PCDHGA8: variants seen among roughly 807,000 people sequenced by gnomAD.
PCDHGA8 encodes protocadherin gamma-A8.
Under a neutral mutation model 59.2 loss-of-function variants are expected in PCDHGA8, and 45 were observed. The observed-to-expected ratio is 0.76, with a 90% confidence interval of 0.60 to 0.98. The LOEUF (loss-of-function observed/expected upper bound fraction) is 0.98, where lower values mean the gene tolerates loss of function less well. Ranked by LOEUF, PCDHGA8 falls within the 50% of genes least tolerant of loss-of-function variation. The pLI is 0.00. For missense variants in PCDHGA8, 1,257 were observed against 1,196.2 expected, an observed-to-expected ratio of 1.05 and a Z score of -0.75; for synonymous variants, 531 against 519.0, an observed-to-expected ratio of 1.02 and a Z score of -0.32.
chr5:141,431,830 C>G lies in PCDHGA8; in HGVS notation c.2424+36593C>G, dbSNP rs1354008481. 1 of 1,614,078 alleles carries G rather than the reference C, an allele frequency of 6.2e-7. No homozygotes were observed. The highest frequency in any genetic ancestry group is 8.5e-7 in the Non-Finnish European group (1 of 1,180,034). The stretch of plus-strand genomic sequence containing the variant: ...TCACCTCTCTCGCCAGCTCGGTTCC[C>G]GAAAACTCTCCCAGAGGGACATTAA... On this transcript the variant is annotated intron_variant, in intron 1 of 3. Coordinates refer to ENST00000398604, the MANE Select transcript of PCDHGA8 (RefSeq NM_032088.2). This position sits in a 1 kb window ranked among gnomAD's most constrained non-coding sequence, Gnocchi z 4.8.
At chr5:141,400,186 TACCTAG>T (rs1474148355) in intron 1 of PCDHGA8, 1 of 1,614,068 alleles carries the variant, frequency 6.2e-7, no homozygotes, top group Non-Finnish European at 8.5e-7. Flanking sequence ...GCTGCAGTTT[TACCTAG>T]TGGTGGCCTT....
rs749995138 is a variant in PCDHGA8 at position 141,408,745 on chromosome 5, G to A, written c.2424+13508G>A. The A allele has an allele frequency of 3.7e-6, 6 of 1,609,862 alleles. No homozygotes were observed. In the African/African-American group the frequency reaches 4.0e-5, roughly 11 times the overall value. ...ACTCTAATCCTTATTTTTCATTAAT[G>A]GTTAGAGTTAATTCCGATGGTGGCA... On this transcript the variant is annotated intron_variant, in intron 1 of 3. Transcript: ENST00000398604.
intron 1 of PCDHGA8, chr5:141,410,354 T>C (rs2095384532): frequency 3.7e-6 from 6 of 1,614,048 alleles, no homozygotes; most frequent in Non-Finnish European, 5.1e-6. Context: ...CCTGCGACGC[T>C]CTCTCAGCCC....
At chr5:141,496,021 G>A (rs1011612662) in intron 2 of PCDHGA8, among the ~76,000 whole-genome samples, 1 of 151,336 alleles carries the variant, frequency 6.6e-6, no homozygotes, top group Admixed American at 6.6e-5. Context: ...TTTTCTCTGA[G>A]CCTCTGTCTC....
At chr5:141,409,529 G>T (rs2095278932) in intron 1 of PCDHGA8, 1 of 1,613,962 alleles carries the variant, frequency 6.2e-7, no homozygotes, top group Non-Finnish European at 8.5e-7. Flanking sequence ...CTTGTATGTC[G>T]CTGACATCAA....
chr5:141,395,343 G>T (rs903122712), intron 1 of PCDHGA8, 106 bp downstream of exon 1: 1 of 1,396,676 alleles, frequency 7.2e-7, no homozygotes, highest in Non-Finnish European at 9.5e-7. Flanking sequence ...TTTTTAAGGT[G>T]TATCACAGAG....
chr5:141,415,136 G>C (rs763832284), intron 1 of PCDHGA8: 1 of 1,613,548 alleles, frequency 6.2e-7, no homozygotes, highest in Admixed American at 1.7e-5. Flanking sequence ...CAGGACCACG[G>C]CCAGCCCCCT....
At chr5:141,430,217 T>C (rs1055487905) in intron 1 of PCDHGA8, among the ~76,000 whole-genome samples, 1 of 150,102 alleles carries the variant, frequency 6.7e-6, no homozygotes, top group Non-Finnish European at 1.5e-5. Context: ...TATTATATTA[T>C]ATGATTTGTC....
chr5:141,396,525 C>T (rs2093390810), intron 1 of PCDHGA8: 1 of 151,326 alleles, frequency 6.6e-6, no homozygotes, highest in Non-Finnish European at 1.5e-5. Context: ...GAGGCTGAGG[C>T]AGAAGAATCA....
At chr5:141,441,004 C>G (rs1258800474) in intron 1 of PCDHGA8, 1 of 152,066 alleles carries the variant, frequency 6.6e-6, no homozygotes, top group African/African-American at 2.4e-5. Flanking sequence ...TCTAGTTTGG[C>G]CTTGATCAAA....
rs759647406 is a variant in PCDHGA8 at position 141,493,849 on chromosome 5, A to G, written c.2425-958A>G. Among the ~76,000 whole-genome samples the G allele has an allele frequency of 6.6e-6, 1 of 152,178 alleles. No individual in the cohort carries two copies. The highest frequency in any genetic ancestry group is 1.5e-5 in the Non-Finnish European group (1 of 68,028). ...CTGGGAGCAAGTATGAGTATTAATT[A>G]CCAGCCCACCCCAGAACCAGTGAGG... On this transcript the variant is annotated intron_variant, in intron 1 of 3. Coordinates refer to ENST00000398604, the MANE Select transcript of PCDHGA8 (RefSeq NM_032088.2). The surrounding 1 kb of genome is among the most constrained non-coding windows in gnomAD (Gnocchi z 4.3).
rs373421472 is a variant in PCDHGA8, at chr5:141,472,201, A to G, written c.2425-22606A>G. ...GTATTGGAATTTGAATCTTTTTGAC[A>G]CTAAGACCTTACTCTCGATCATATA... is the stretch of plus-strand genomic sequence containing the variant. On this transcript the variant is annotated intron_variant, in intron 1 of 3. Coordinates refer to ENST00000398604, the MANE Select transcript of PCDHGA8 (RefSeq NM_032088.2). Among the ~76,000 whole-genome samples the G allele has an allele frequency of 5.6e-4, 86 of 152,320 alleles. 2 individuals are homozygous for G. The South Asian group carries it at 0.017, about 30-fold the overall frequency.
intron 1 of PCDHGA8, chr5:141,419,661 A>G (rs1363084793): frequency 2.5e-6 from 4 of 1,612,714 alleles, no homozygotes; most frequent in East Asian, 2.2e-5. Flanking sequence ...TCGGGGCACA[A>G]TGCCTGGCTG....
chr5:141,500,400 G>A (rs2099799942), intron 2 of PCDHGA8, among the ~76,000 whole-genome samples: 1 of 151,666 alleles, frequency 6.6e-6, no homozygotes, highest in East Asian at 1.9e-4. Context: ...TAGTAGAGAC[G>A]GGGTTTCACC....
chr5:141,392,999 C>A lies in PCDHGA8; in HGVS notation c.186C>A (p.His62Gln). 1 of 1,613,858 alleles carries A rather than the reference C, an allele frequency of 6.2e-7. No homozygotes were observed. Among genetic ancestry groups the A allele is most frequent in the Non-Finnish European group, 8.5e-7 (1 of 1,179,874 alleles). ...LGLDPRKLAK[H>Q]GVRIVSRGRT... Reference sequence around the variant, plus strand: ...TGGACCCCCGGAAGCTGGCGAAGCACGGAGTCCGTATCGTCTCCAGAGGTA... The same window carrying A: ...TGGACCCCCGGAAGCTGGCGAAGCAAGGAGTCCGTATCGTCTCCAGAGGTA... Residue 62 changes from histidine to glutamine, a missense_variant, in exon 1 of 4, where the codon CAC (histidine) becomes CAA (glutamine). Transcript: ENST00000398604.
chr5:141,421,861 C>T, intron 1 of PCDHGA8: 2 of 1,613,738 alleles, frequency 1.2e-6, no homozygotes, highest in South Asian at 2.2e-5. Flanking sequence ...TCACCTGCTC[C>T]TCCTCACAGC....
chr5:141,409,187 A>C, intron 1 of PCDHGA8: 1 of 1,614,024 alleles, frequency 6.2e-7, no homozygotes, highest in Non-Finnish European at 8.5e-7. Flanking sequence ...TGGTCTCTCT[A>C]CCCAGTGTAA....
At chr5:141,423,761 TG>T in intron 1 of PCDHGA8, 1 of 156,420 alleles carries the variant, frequency 6.4e-6, no homozygotes, top group Non-Finnish European at 9.2e-6. Context: ...GGGGGGGGGG[TG>T]GGGCGGCATA....
chr5:141,415,740 G>GTTTTTTTTTTTTTTTTTTTTT (rs57426385), intron 1 of PCDHGA8: 5 of 625,024 alleles, frequency 8.0e-6, no homozygotes, highest in Non-Finnish European at 8.5e-6. Flanking sequence ...GTTTATTAAG[G>GTTTTTTTTTTTTTTTTTTTTT]TTTTTTTTTT....
Sources: gnomAD v4.1 joint callset for allele counts (sites outside exome capture counted in the v4.1 genomes callset) on GRCh38, gnomAD v4.1.1 for gene constraint, Gnocchi (gnomAD v3.1) non-coding constraint, MANE v1.5 for transcripts, NCBI Gene and HGNC (gene_info 2026-07-23, HGNC 2026-07-21) for gene names.